Variants in CAGE1 observed in about 807,000 individuals in gnomAD.
CAGE1 encodes the protein cancer-associated gene 1 protein.
A neutral mutation model predicts 94.9 loss-of-function variants in CAGE1; 66 were observed. That is an observed-to-expected ratio of 0.70 (90% CI 0.57 to 0.85). CAGE1 has a LOEUF of 0.85. Among genes scored for constraint, CAGE1 ranks in the 40% least tolerant of loss-of-function variants. The pLI is 0.00. For missense variants in CAGE1, 865 were observed against 950.4 expected, an observed-to-expected ratio of 0.91 and a Z score of 1.18; for synonymous variants, 319 against 321.0, an observed-to-expected ratio of 0.99 and a Z score of 0.07.
chr6:7,382,553 G>A (rs1760975283), intron 3 of CAGE1, among the ~76,000 whole-genome samples: 1 of 150,298 alleles, frequency 6.7e-6, no homozygotes, highest in African/African-American at 2.4e-5. Context: ...CGCTTGCCTC[G>A]GCCTCCCAAA....
At chr6:7,347,210 G>A (rs1327247021) in intron 11 of CAGE1, among the ~76,000 whole-genome samples, 3 of 152,176 alleles carry the variant, frequency 2.0e-5, no homozygotes, top group East Asian at 1.9e-4. Context: ...GGACCCACAG[G>A]CCCTCTGAAG....
At chr6:7,351,230 C>T (rs1238054969) in intron 11 of CAGE1, among the ~76,000 whole-genome samples, 2 of 152,036 alleles carry the variant, frequency 1.3e-5, no homozygotes, top group African/African-American at 4.8e-5. Flanking sequence ...AAAAATACAA[C>T]CTTCCTAGCT....
Position 7,379,007 on chromosome 6 carries a change from T to C in CAGE1, c.297A>G (p.Glu99=). Residue 99 remains glutamate (E), a synonymous_variant, in exon 4 of 14, where the codon GAA becomes GAG. Coordinates refer to ENST00000502583, the MANE Select transcript of CAGE1 (RefSeq NM_001170692.2). The part of the protein sequence containing the change: ...LDNLLNDNNI[E]NYSTNALIQP... ...GAATTAGTGCATTCGTTGAGTAATT[T>C]TCAATGTTGTTATCTCATAAGAAAG... 2 of 1,522,052 alleles carry C rather than the reference T, an allele frequency of 1.3e-6. No individual in the cohort carries two copies. 94.3% of individuals were successfully genotyped at this position (1,522,052 alleles called of 1,614,324 possible).
chr6:7,341,877 C>T (rs930703617), intron 11 of CAGE1: 14 of 684,190 alleles, frequency 2.0e-5, no homozygotes, highest in South Asian at 1.4e-4. Context: ...CTTGCAGGAA[C>T]GGGTGCCCTC....
chr6:7,350,438 C>T (rs1339441519), intron 11 of CAGE1, among the ~76,000 whole-genome samples: 1 of 152,100 alleles, frequency 6.6e-6, no homozygotes, highest in Non-Finnish European at 1.5e-5. Flanking sequence ...AACATTTCAT[C>T]CAAGAACTGC....
At chr6:7,332,034 T>TTAGGTA (rs1273075737) in intron 12 of CAGE1, among the ~76,000 whole-genome samples, 1 of 152,194 alleles carries the variant, frequency 6.6e-6, no homozygotes, top group Non-Finnish European at 1.5e-5. Flanking sequence ...TCTCAATTCA[T>TTAGGTA]TAGGTATACT....
rs56766681 is a variant in CAGE1, at chr6:7,351,573, G to GAAA, written c.2369+3465_2369+3467dup. Among the ~76,000 whole-genome samples the GAAA allele has an allele frequency of 3.2e-3, 434 of 134,590 alleles. 5 individuals carry two copies. Among genetic ancestry groups the GAAA allele is most frequent in the African/African-American group, 9.1e-3 (335 of 36,778 alleles). The allele number at this position is 134,590 out of a possible 152,430, so 88.3% of individuals were successfully genotyped here. A position where few individuals can be genotyped will look rare whatever the true frequency, so the allele number is the denominator to read the frequency against. On this transcript the variant is annotated intron_variant, in intron 11 of 13. Coordinates refer to ENST00000502583, the MANE Select transcript of CAGE1 (RefSeq NM_001170692.2). ...AATAAGATCACAGCATTTTGGAATA[G>GAAA]AAAAAAAAAAAAAACTACAGACTGC...
intron 9 of CAGE1, among the ~76,000 whole-genome samples, chr6:7,364,052 C>T (rs779121225): frequency 3.9e-5 from 6 of 152,172 alleles, no homozygotes; most frequent in Non-Finnish European, 8.8e-5. Context: ...TGACCTTGTT[C>T]CCATTCCAGC....
chr6:7,370,068 A>G lies in CAGE1; in HGVS notation c.1747-3T>C. The G allele has an allele frequency of 6.3e-7, 1 of 1,585,918 alleles. No homozygotes were observed. Among genetic ancestry groups the G allele is most frequent in the South Asian group, 1.2e-5 (1 of 85,878 alleles). ...TTAGAATGTGTCGTTTTTGTATCCTACATGCACGTAATTCAGATTTGTCAA... is the reference window on the plus strand; with the variant it reads ...TTAGAATGTGTCGTTTTTGTATCCTGCATGCACGTAATTCAGATTTGTCAA... On this transcript the variant is annotated splice_region_variant and splice_polypyrimidine_tract_variant and intron_variant, in intron 5 of 13. Coordinates refer to ENST00000502583, the MANE Select transcript of CAGE1 (RefSeq NM_001170692.2).
intron 4 of CAGE1, among the ~76,000 whole-genome samples, chr6:7,378,210 TA>T (rs35634939): frequency 2.6e-5 from 4 of 152,200 alleles, no homozygotes; most frequent in Admixed American, 6.5e-5. Context: ...AAAATTATGG[TA>T]AAAAAAGCTT....
chr6:7,345,131 A>G (rs932046796), intron 11 of CAGE1, among the ~76,000 whole-genome samples: 7 of 41,662 alleles, frequency 1.7e-4, no homozygotes, highest in Non-Finnish European at 2.6e-4. Flanking sequence ...TTAGATCCAT[A>G]TTGCTTTTAG....
At chr6:7,378,510 G>C in intron 4 of CAGE1, 107 bp downstream of exon 4, 3 of 901,292 alleles carry the variant, frequency 3.3e-6, no homozygotes, top group Non-Finnish European at 5.0e-6. Context: ...AGGCTTTACT[G>C]ACCATCACAA....
chr6:7,385,659 T>C, intron 3 of CAGE1, 126 bp downstream of exon 3: 1 of 188,214 alleles, frequency 5.3e-6, no homozygotes. Flanking sequence ...TTCAATAAGA[T>C]TTTTTTGTGG....
intron 11 of CAGE1, among the ~76,000 whole-genome samples, chr6:7,351,673 A>T (rs372644596): frequency 1.4e-4 from 21 of 152,128 alleles, no homozygotes; most frequent in African/African-American, 4.8e-4. Context: ...TATCAAAAAG[A>T]TAATCCACTA....
intron 4 of CAGE1, among the ~76,000 whole-genome samples, 194 bp from the exon 5 acceptor site, chr6:7,374,325 G>C (rs1760660812): frequency 6.6e-6 from 1 of 152,176 alleles, no homozygotes; most frequent in Non-Finnish European, 1.5e-5. Context: ...ATTGCTAAAT[G>C]TTTGTACAGC....
intron 12 of CAGE1, among the ~76,000 whole-genome samples, chr6:7,333,005 C>G (rs1289203344): frequency 6.6e-6 from 1 of 151,916 alleles, no homozygotes; most frequent in Non-Finnish European, 1.5e-5. Flanking sequence ...GGCTGTAGTG[C>G]AGTGGCACGA....
rs144554067 is a variant in CAGE1 at position 7,381,704 on chromosome 6, T to G, written c.284-2684A>C. On this transcript the variant is annotated intron_variant, in intron 3 of 13. Transcript: ENST00000502583. ...CCACCATGCCCGCCTAATTTTTGTA[T>G]TTTTAGTAGAGATGGGATTCCACCA... Among the ~76,000 whole-genome samples, 418 of 151,842 alleles carry G rather than the reference T, an allele frequency of 2.8e-3. 4 individuals are homozygous for G. Among genetic ancestry groups the G allele is most frequent in the African/African-American group, 9.3e-3 (386 of 41,354 alleles).
intron 12 of CAGE1, chr6:7,331,780 C>CAGCAGAGGT (rs942914548): frequency 1.3e-5 from 2 of 157,874 alleles, no homozygotes; most frequent in African/African-American, 4.8e-5. Context: ...GCAGCAGTGG[C>CAGCAGAGGT]AGCAGAGGTT....
chr6:7,347,621 A>T (rs1435377204), intron 11 of CAGE1, among the ~76,000 whole-genome samples: 1 of 152,084 alleles, frequency 6.6e-6, no homozygotes, highest in Non-Finnish European at 1.5e-5. Context: ...CAGACTCCAC[A>T]GGAGGGAAAA....
Sources: gnomAD v4.1 joint callset for allele counts (sites outside exome capture counted in the v4.1 genomes callset) on GRCh38, gnomAD v4.1.1 for gene constraint, MANE v1.5 for transcripts, NCBI Gene and HGNC (gene_info 2026-07-23, HGNC 2026-07-21) for gene names.